The following DIAPH3 variants were observed in gnomAD, a reference collection of about 807,000 sequenced individuals.
The protein encoded by DIAPH3 is protein diaphanous homolog 3.
Under a neutral mutation model 144.3 loss-of-function variants are expected in DIAPH3, and 117 were observed. That is an observed-to-expected ratio of 0.81 (90% CI 0.70 to 0.95). The LOEUF (loss-of-function observed/expected upper bound fraction) is 0.95, where lower values mean the gene tolerates loss of function less well. Among genes scored for constraint, DIAPH3 ranks in the 40% least tolerant of loss-of-function variants. The pLI, the probability that DIAPH3 is intolerant of heterozygous loss-of-function variation, is 0.00. For synonymous variants in DIAPH3, 519 were observed against 488.9 expected (o/e 1.06, Z -0.81); for missense variants, 1,421 against 1,412.7 (o/e 1.01, Z -0.09).
At chr13:59,844,376 C>T (rs12873318) in intron 22 of DIAPH3, among the ~76,000 whole-genome samples, 4 of 151,666 alleles carry the variant, frequency 2.6e-5, no homozygotes, top group South Asian at 2.1e-4. Flanking sequence ...TGGTGGCGAG[C>T]GCCTGTAGTC....
chr13:60,061,948 T>A (rs2056791235), intron 4 of DIAPH3, among the ~76,000 whole-genome samples: 1 of 152,082 alleles, frequency 6.6e-6, no homozygotes, highest in African/African-American at 2.4e-5. Flanking sequence ...TACAGCCTCC[T>A]ACACAACCCC....
chr13:60,157,276 C>A (rs915831246), intron 1 of DIAPH3, among the ~76,000 whole-genome samples: 9 of 152,116 alleles, frequency 5.9e-5, no homozygotes, highest in Admixed American at 3.3e-4. Flanking sequence ...CCATATGTAG[C>A]GCAGTACATG....
At chr13:59,963,202 A>G (rs2049858096) in intron 17 of DIAPH3, among the ~76,000 whole-genome samples, 1 of 152,160 alleles carries the variant, frequency 6.6e-6, no homozygotes, top group Non-Finnish European at 1.5e-5. Context: ...CGCACATGTG[A>G]AAGCTTCTAT....
chr13:59,795,622 T>A (rs1214009116), intron 25 of DIAPH3, among the ~76,000 whole-genome samples: 3 of 151,968 alleles, frequency 2.0e-5, no homozygotes, highest in Non-Finnish European at 4.4e-5. Flanking sequence ...CCAGGCTATT[T>A]TTTTTTATTT....
At chr13:60,121,664 G>C (rs978881571) in intron 2 of DIAPH3, among the ~76,000 whole-genome samples, 1 of 152,166 alleles carries the variant, frequency 6.6e-6, no homozygotes, top group African/African-American at 2.4e-5. Flanking sequence ...GACAGACTTC[G>C]AGTTCCAAAG....
intron 20 of DIAPH3, among the ~76,000 whole-genome samples, chr13:59,880,462 G>A (rs575092743): frequency 1.8e-3 from 275 of 152,222 alleles, no homozygotes; most frequent in African/African-American, 6.1e-3. Flanking sequence ...TTCTCCCTTA[G>A]TCACAGACTG....
chr13:59,779,385 T>C (rs1354727465), intron 25 of DIAPH3, among the ~76,000 whole-genome samples: 1 of 152,198 alleles, frequency 6.6e-6, no homozygotes, highest in Non-Finnish European at 1.5e-5. Flanking sequence ...TGCTAAGTGA[T>C]ATACAAATAT....
intron 23 of DIAPH3, 34 bp from the exon 24 acceptor site, chr13:59,833,305 A>G: frequency 6.4e-7 from 1 of 1,556,460 alleles, no homozygotes; most frequent in Non-Finnish European, 8.8e-7. Context: ...GAAATTTACA[A>G]AGTAATGCTT....
rs373774299 is a variant in DIAPH3, at chr13:59,861,544, G to T, written c.2608-8C>A. ...TGATTTTGTGTCCTTTAGCTAAATA[G>T]AACAGGAGGGAGAAAAAACACAGAG... On this transcript the variant is annotated splice_polypyrimidine_tract_variant and splice_region_variant and intron_variant, in intron 21 of 27. Transcript: ENST00000400324. The T allele has an allele frequency of 1.2e-6, 2 of 1,613,192 alleles. No individual in the cohort carries two copies. The highest frequency in any genetic ancestry group is 1.7e-6 in the Non-Finnish European group (2 of 1,179,490).
intron 27 of DIAPH3, among the ~76,000 whole-genome samples, chr13:59,697,439 G>A (rs546763164): frequency 4.3e-4 from 50 of 115,862 alleles, no homozygotes; most frequent in Admixed American, 1.0e-3. Flanking sequence ...CAGCCTGGGC[G>A]ACAGAGCGAG....
chr13:60,112,584 T>C (rs1310809453), intron 2 of DIAPH3, among the ~76,000 whole-genome samples: 1 of 152,202 alleles, frequency 6.6e-6, no homozygotes, highest in Non-Finnish European at 1.5e-5. Context: ...CCTCTGCCTA[T>C]TGCCCTTTCC....
At chr13:60,018,542 A>G (rs2141004576) in intron 5 of DIAPH3, among the ~76,000 whole-genome samples, 1 of 152,320 alleles carries the variant, frequency 6.6e-6, no homozygotes, top group East Asian at 1.9e-4. Flanking sequence ...GACCCACTAT[A>G]TAACTCTCTT....
intron 20 of DIAPH3, among the ~76,000 whole-genome samples, chr13:59,883,448 T>C (rs2045222794): frequency 6.6e-6 from 1 of 152,188 alleles, no homozygotes; most frequent in Non-Finnish European, 1.5e-5. Context: ...TTATTTTTTA[T>C]TCTTTTTTAT....
At chr13:59,953,243 A>C (rs558795716) in intron 17 of DIAPH3, among the ~76,000 whole-genome samples, 2 of 152,292 alleles carry the variant, frequency 1.3e-5, no homozygotes, top group Admixed American at 1.3e-4. Context: ...TATACCTGGC[A>C]TATCTGGGGT....
intron 2 of DIAPH3, among the ~76,000 whole-genome samples, chr13:60,117,296 C>T (rs765056914): frequency 2.0e-5 from 3 of 151,946 alleles, no homozygotes; most frequent in Non-Finnish European, 4.4e-5. Context: ...CCTCTTCTAG[C>T]TTATAAATCC....
At chr13:60,057,936 A>C (rs1041563416) in intron 4 of DIAPH3, among the ~76,000 whole-genome samples, 5 of 152,044 alleles carry the variant, frequency 3.3e-5, no homozygotes, top group African/African-American at 1.2e-4. Flanking sequence ...GAAATCATTA[A>C]AATTCTAAAT....
At chr13:60,088,422 C>CT (rs1328853971) in intron 4 of DIAPH3, among the ~76,000 whole-genome samples, 1 of 152,100 alleles carries the variant, frequency 6.6e-6, no homozygotes, top group Non-Finnish European at 1.5e-5. Flanking sequence ...TCCTTACTCC[C>CT]TCTCTGCCCC....
chr13:59,878,820 G>A (rs2044803785), intron 21 of DIAPH3, among the ~76,000 whole-genome samples: 1 of 151,974 alleles, frequency 6.6e-6, no homozygotes. Context: ...GTCTGCTTAT[G>A]AAAGCAATGC....
At chr13:60,012,246 T>C (rs2053318283) in intron 7 of DIAPH3, among the ~76,000 whole-genome samples, 1 of 152,176 alleles carries the variant, frequency 6.6e-6, no homozygotes, top group Non-Finnish European at 1.5e-5. Context: ...CTCCATTTAC[T>C]TTAAACCACT....
Sources: allele counts gnomAD v4.1 joint callset (sites outside exome capture counted in the v4.1 genomes callset), GRCh38; gene constraint gnomAD v4.1.1; transcripts MANE v1.5; gene names NCBI Gene and HGNC (gene_info 2026-07-23, HGNC 2026-07-21).